GPR157: variants seen among roughly 807,000 people sequenced by gnomAD.
GPR157 encodes the protein G protein-coupled receptor 157.
In GPR157, 16 loss-of-function variants were observed where a neutral mutation model predicts 23.5. That is an observed-to-expected ratio of 0.68 (90% CI 0.46 to 1.04). The LOEUF is 1.04. GPR157 is among the 50% of genes least tolerant of loss of function. The pLI, the probability that GPR157 is intolerant of heterozygous loss-of-function variation, is 0.00. For synonymous variants in GPR157, 200 were observed against 221.5 expected (o/e 0.90, Z 0.86); for missense variants, 440 against 460.7 (o/e 0.96, Z 0.41).
In GPR157 at chr1:9,120,943, C is replaced by A. The variant is rs957306724; in HGVS notation, c.383+7702G>T. Among the ~76,000 whole-genome samples, 6 of 152,350 alleles carry A rather than the reference C, an allele frequency of 3.9e-5. No homozygotes were observed. Among genetic ancestry groups the A allele is most frequent in the Admixed American group, 3.3e-4 (5 of 15,302 alleles). On this transcript the variant is annotated intron_variant, in intron 1 of 3. Transcript: ENST00000377411. This position sits in a 1 kb window ranked among gnomAD's most constrained non-coding sequence, Gnocchi z 4.1. ...ACATGGGGTACTATTCATGTGGCCA[C>A]TGCATCCATCCCTCATTCAGATGCC...
intron 2 of GPR157, among the ~76,000 whole-genome samples, chr1:9,106,762 G>C (rs1038472964): frequency 6.6e-6 from 1 of 152,162 alleles, no homozygotes; most frequent in African/African-American, 2.4e-5. Flanking sequence ...TCAGGAGTTC[G>C]AGACCAGACT....
rs751897234 is a variant in GPR157 at position 9,104,491 on chromosome 1, C to G, written c.936G>C (p.Lys312Asn). The stretch of plus-strand genomic sequence containing the variant: ...CTCCTGGCTTGGAAGGCGCGGGAGC[C>G]TTGGGAGTGCCAGCCGGGCTCTTGG... The part of the protein sequence containing the change: ...PPTKSPAGTP[K>N]APAPSKPGES... Residue 312 changes from lysine to asparagine, a missense_variant, in exon 4 of 4, where the codon AAG becomes AAC. Lys to Asn is a moderately conservative substitution (Grantham distance 94). Coordinates refer to ENST00000377411, the MANE Select transcript of GPR157 (RefSeq NM_024980.5). 1 of 1,613,590 alleles carries G rather than the reference C, an allele frequency of 6.2e-7. No individual in the cohort carries two copies. Among genetic ancestry groups the G allele is most frequent in the Non-Finnish European group, 8.5e-7 (1 of 1,179,924 alleles).
chr1:9,107,648 G>A (rs182669450), intron 2 of GPR157, among the ~76,000 whole-genome samples: 23 of 151,574 alleles, frequency 1.5e-4, no homozygotes, highest in African/African-American at 5.1e-4. Flanking sequence ...GGCTAGGCGC[G>A]GGCACAGTGG....
At position 9,111,421 on chromosome 1, in the gene GPR157, T is replaced by C. The variant is rs1341798270; in HGVS notation, c.452A>G (p.Asp151Gly). 2 of 1,613,974 alleles carry C rather than the reference T, an allele frequency of 1.2e-6. No individual in the cohort carries two copies. Among genetic ancestry groups the C allele is most frequent in the Non-Finnish European group, 1.7e-6 (2 of 1,180,044 alleles). ...ALKKIGYDAS[D>G]VSVGWCWIDL... ...GATCCAGCACCAGCCCACAGACACG[T>C]CCGAGGCGTCATAGCCAATCTTCTT... Residue 151 changes from aspartate to glycine, a missense_variant, in exon 2 of 4, where the codon GAC (aspartate) becomes GGC (glycine). Asp to Gly is a moderately conservative substitution (Grantham distance 94). Coordinates refer to ENST00000377411, the MANE Select transcript of GPR157 (RefSeq NM_024980.5).
At chr1:9,125,157 C>G (rs1362728779) in intron 1 of GPR157, among the ~76,000 whole-genome samples, 3 of 152,120 alleles carry the variant, frequency 2.0e-5, no homozygotes, top group African/African-American at 7.2e-5. Context: ...AGCCCTGGGC[C>G]ATCACATCTG....
In GPR157 at chr1:9,120,371, T is replaced by G. The variant is rs61785834; in HGVS notation, c.383+8274A>C. 0.012 allele frequency among the ~76,000 whole-genome samples: 1,838 copies of G among 152,302 alleles called. 24 individuals are homozygous for G. Among genetic ancestry groups the G allele is most frequent in the South Asian group, 0.052 (249 of 4,826 alleles). The stretch of plus-strand genomic sequence containing the variant: ...TCTGGGCCAAACACAATGCCTGGTG[T>G]AGGTACCATGAGACCTGGGGATGTT... On this transcript the variant is annotated intron_variant, in intron 1 of 3. Coordinates refer to ENST00000377411, the MANE Select transcript of GPR157 (RefSeq NM_024980.5). The surrounding 1 kb of genome is among the most constrained non-coding windows in gnomAD (Gnocchi z 4.1).
chr1:9,110,467 G>A (rs1309707995), intron 2 of GPR157, among the ~76,000 whole-genome samples: 1 of 152,230 alleles, frequency 6.6e-6, no homozygotes, highest in East Asian at 1.9e-4. Flanking sequence ...AGGTTGCAGT[G>A]AGCCGAGATT....
chr1:9,123,080 C>T (rs371070367), intron 1 of GPR157, among the ~76,000 whole-genome samples: 5 of 148,938 alleles, frequency 3.4e-5, no homozygotes, highest in Admixed American at 1.4e-4. Context: ...CACTTGAACA[C>T]GGGAGGTGGA....
In GPR157 at chr1:9,128,023, C is replaced by T. The variant is rs1639001708; in HGVS notation, c.383+622G>A. Among the ~76,000 whole-genome samples the T allele has an allele frequency of 6.6e-6, 1 of 152,142 alleles. No individual in the cohort carries two copies. Among genetic ancestry groups the T allele is most frequent in the Non-Finnish European group, 1.5e-5 (1 of 68,020 alleles). ...CGAGACTCCCAGACCAGCCCTCCGC[C>T]CCTGCCCTCAATCTCAGAATTGCTG... On this transcript the variant is annotated intron_variant, in intron 1 of 3. Transcript: ENST00000377411. The surrounding 1 kb of genome is among the most constrained non-coding windows in gnomAD (Gnocchi z 6.3).
At chr1:9,126,095 G>C (rs1638957876) in intron 1 of GPR157, among the ~76,000 whole-genome samples, 1 of 151,816 alleles carries the variant, frequency 6.6e-6, no homozygotes, top group Non-Finnish European at 1.5e-5. Context: ...TTCCTGAGTA[G>C]TTGGGACACG....
chr1:9,120,242 C>A lies in GPR157; in HGVS notation c.383+8403G>T, dbSNP rs1277238627. 2.0e-5 allele frequency among the ~76,000 whole-genome samples: 3 copies of A among 152,112 alleles called. No homozygotes were observed. The highest frequency in any genetic ancestry group is 2.9e-5 in the Non-Finnish European group (2 of 68,010). The stretch of plus-strand genomic sequence containing the variant: ...AGGCAGAGTCTGCTCAATCACCTGC[C>A]CCCACCCTGGGATTCCTGTACCTTT... On this transcript the variant is annotated intron_variant, in intron 1 of 3. Coordinates refer to ENST00000377411, the MANE Select transcript of GPR157 (RefSeq NM_024980.5). This position sits in a 1 kb window ranked among gnomAD's most constrained non-coding sequence, Gnocchi z 4.1.
intron 1 of GPR157, among the ~76,000 whole-genome samples, chr1:9,116,508 C>A (rs1287761937): frequency 7.1e-6 from 1 of 141,132 alleles, no homozygotes; most frequent in African/African-American, 2.7e-5. Flanking sequence ...TTTGAGAGGC[C>A]GAGGCGGGCG....
intron 1 of GPR157, among the ~76,000 whole-genome samples, chr1:9,115,205 CGTGTGCAT>C (rs1437194269): frequency 1.3e-5 from 2 of 152,074 alleles, no homozygotes; most frequent in Admixed American, 6.6e-5. Flanking sequence ...AAAACATAGA[CGTGTGCAT>C]GTGTGCATGT....
At position 9,128,791 on chromosome 1, in the gene GPR157, G is replaced by C. The variant is rs769465631; in HGVS notation, c.237C>G (p.Cys79Trp). 69 of 1,611,162 alleles carry C rather than the reference G, an allele frequency of 4.3e-5. No individual in the cohort carries two copies. In the South Asian group the frequency reaches 7.0e-4, roughly 16 times the overall value. ...AGGTGGACAGCGCGCCCTGCAGCAC[G>C]CAGTCCCACGACGGGCCCGCGAAGT... ...LQNFAGPSWD[C>W]VLQGALSTFA... is the part of the protein sequence containing the mutation. Residue 79 changes from cysteine (C) to tryptophan (W), a missense_variant, in exon 1 of 4, where the codon TGC (cysteine) becomes TGG (tryptophan). By Grantham distance (215) the Cys-to-Trp change is radical. Coordinates refer to ENST00000377411, the MANE Select transcript of GPR157 (RefSeq NM_024980.5). The surrounding 1 kb of genome is among the most constrained non-coding windows in gnomAD (Gnocchi z 6.3).
Position 9,120,332 on chromosome 1 carries a change from A to C in GPR157, c.383+8313T>G, listed in dbSNP as rs975419320. Among the ~76,000 whole-genome samples, 3 of 152,176 alleles carry C rather than the reference A, an allele frequency of 2.0e-5. No homozygotes were observed. The highest frequency in any genetic ancestry group is 7.2e-5 in the African/African-American group (3 of 41,446). On this transcript the variant is annotated intron_variant, in intron 1 of 3. Transcript: ENST00000377411. The surrounding 1 kb of genome is among the most constrained non-coding windows in gnomAD (Gnocchi z 4.1). ...GGCTGGCACCTGCCAGGAGGAAAAC[A>C]AGCAGGTCCCTTCTCTGGGCCAAAC...
At position 9,128,302 on chromosome 1, in the gene GPR157, G is replaced by T. The variant is rs1162302504; in HGVS notation, c.383+343C>A. The T allele has an allele frequency of 1.8e-6, 1 of 561,222 alleles. No individual in the cohort carries two copies. Among genetic ancestry groups the T allele is most frequent in the Non-Finnish European group, 3.4e-6 (1 of 295,202 alleles). The allele number at this position is 561,222 out of a possible 1,614,324, so 34.8% of individuals were successfully genotyped here. A position where few individuals can be genotyped will look rare whatever the true frequency, so the allele number is the denominator to read the frequency against. On this transcript the variant is annotated intron_variant, in intron 1 of 3. Coordinates refer to ENST00000377411, the MANE Select transcript of GPR157 (RefSeq NM_024980.5). The surrounding 1 kb of genome is among the most constrained non-coding windows in gnomAD (Gnocchi z 6.3). Reference sequence around the variant, plus strand: ...CTCCCAGCCTGTTTCCCCATGGGCAGCAGAGACAGCCAGGACACAGTGAAG... The same window carrying T: ...CTCCCAGCCTGTTTCCCCATGGGCATCAGAGACAGCCAGGACACAGTGAAG...
intron 2 of GPR157, among the ~76,000 whole-genome samples, chr1:9,106,307 G>A (rs371004247): frequency 1.2e-3 from 175 of 151,998 alleles, no homozygotes; most frequent in African/African-American, 4.1e-3. Flanking sequence ...TCCCTCCTCC[G>A]CCTCTGCCAC....
At position 9,120,993 on chromosome 1, in the gene GPR157, CT is replaced by C. The variant is rs1353601943; in HGVS notation, c.383+7651del. Among the ~76,000 whole-genome samples, 3 of 152,364 alleles carry C rather than the reference CT, an allele frequency of 2.0e-5. No individual in the cohort carries two copies. The highest frequency in any genetic ancestry group is 4.8e-5 in the African/African-American group (2 of 41,580). On this transcript the variant is annotated intron_variant, in intron 1 of 3. Transcript: ENST00000377411. This position sits in a 1 kb window ranked among gnomAD's most constrained non-coding sequence, Gnocchi z 4.1. ...CACTGCCTGGGGAGACGGGCCAGCT[CT>C]GCCACTGGCTTGTCCTTGCAGTGCC... is the stretch of plus-strand genomic sequence containing the variant.
At chr1:9,123,034 T>C (rs986591984) in intron 1 of GPR157, among the ~76,000 whole-genome samples, 12 of 150,876 alleles carry the variant, frequency 8.0e-5, no homozygotes, top group Non-Finnish European at 1.8e-4. Flanking sequence ...CGCATGCCTG[T>C]CATCCCAGCT....
Sources: gnomAD v4.1 joint callset for allele counts (sites outside exome capture counted in the v4.1 genomes callset) on GRCh38, gnomAD v4.1.1 for gene constraint, Gnocchi (gnomAD v3.1) non-coding constraint, MANE v1.5 for transcripts, NCBI Gene and HGNC (gene_info 2026-07-23, HGNC 2026-07-21) for gene names.